DNAH11: variants seen among roughly 807,000 people sequenced by gnomAD.
DNAH11 encodes the protein axonemal beta dynein heavy chain 11.
A neutral mutation model predicts 526.0 loss-of-function variants in DNAH11; 442 were observed. That is an observed-to-expected ratio of 0.84 (90% CI 0.78 to 0.91). The LOEUF is 0.91. Among genes scored for constraint, DNAH11 ranks in the 40% least tolerant of loss-of-function variants. The pLI is 0.00. For missense variants in DNAH11, 6,989 were observed against 5,448.7 expected (o/e 1.28, Z -8.90); for synonymous variants, 2,461 against 1,935.9 (o/e 1.27, Z -7.12).
At chr7:21,694,391 TC>T (rs1783758894) in intron 35 of DNAH11, among the ~76,000 whole-genome samples, 1 of 152,114 alleles carries the variant, frequency 6.6e-6, no homozygotes, top group Non-Finnish European at 1.5e-5. Flanking sequence ...GATGTTCCCC[TC>T]CCTGCGTCCA....
At chr7:21,547,190 G>A (rs2128426193) in intron 2 of DNAH11, among the ~76,000 whole-genome samples, 1 of 152,330 alleles carries the variant, frequency 6.6e-6, no homozygotes, top group East Asian at 1.9e-4. Flanking sequence ...TATTTCTAGA[G>A]ATGCTTTAGC....
At chr7:21,786,818 T>C in intron 59 of DNAH11, 51 bp downstream of exon 59, 1 of 1,606,276 alleles carries the variant, frequency 6.2e-7, no homozygotes, top group Non-Finnish European at 8.5e-7. Flanking sequence ...CCATACTGTT[T>C]TCAGTACTGT....
intron 15 of DNAH11, 95 bp downstream of exon 15, chr7:21,600,214 C>T: frequency 9.0e-7 from 1 of 1,109,478 alleles, no homozygotes; most frequent in Non-Finnish European, 1.2e-6. Flanking sequence ...AATCCCAGAA[C>T]TTTGGGAGGC....
chr7:21,606,459 A>G lies in DNAH11; in HGVS notation c.3682A>G (p.Ile1228Val), dbSNP rs889893369. 4 of 1,606,910 alleles carry G rather than the reference A, an allele frequency of 2.5e-6. No individual in the cohort carries two copies. The African/African-American group carries it at 5.4e-5, about 22-fold the overall frequency. Reference sequence around the variant, plus strand: ...TGAAAGATGGGAAACTACCAAAAAGATCGCAGCAACTGTCAGACATGAAGT... The same window carrying G: ...TGAAAGATGGGAAACTACCAAAAAGGTCGCAGCAACTGTCAGACATGAAGT... ...LPERWETTKK[I>V]AATVRHEVSP... The change falls in exon 19 of 82, where the codon ATC becomes GTC. Residue 1228 changes from isoleucine (I) to valine (V), a missense_variant. Transcript: ENST00000409508.
chr7:21,606,637 C>CA lies in DNAH11; in HGVS notation c.3766-8dup. 4 of 817,500 alleles carry CA rather than the reference C, an allele frequency of 4.9e-6. No individual in the cohort carries two copies. Among genetic ancestry groups the CA allele is most frequent in the Non-Finnish European group, 6.8e-6 (4 of 589,096 alleles). The allele number at this position is 817,500 out of a possible 1,614,324, so 50.6% of individuals were successfully genotyped here. On this transcript the variant is annotated splice_polypyrimidine_tract_variant and intron_variant, in intron 19 of 81. Coordinates refer to ENST00000409508, the MANE Select transcript of DNAH11 (RefSeq NM_001277115.2). ...TCACTTTTTTTTTTTTTTTTTTTTGCAATGATCAGGCAAAGCAGGCAGAGT... is the reference window on the plus strand; with the variant it reads ...TCACTTTTTTTTTTTTTTTTTTTTGCAAATGATCAGGCAAAGCAGGCAGAGT...
intron 31 of DNAH11, 119 bp downstream of exon 31, chr7:21,681,796 C>A: frequency 7.8e-7 from 1 of 1,286,160 alleles, no homozygotes; most frequent in South Asian, 1.2e-5. Flanking sequence ...TTAATTAGTC[C>A]TGAAAAGTTG....
intron 75 of DNAH11, 80 bp downstream of exon 75, chr7:21,880,973 A>T (rs1783903846): frequency 1.8e-5 from 23 of 1,304,296 alleles, no homozygotes; most frequent in Non-Finnish European, 2.4e-5. Context: ...AATTGACCAT[A>T]ATTTCTCTTT....
At chr7:21,592,291 G>C (rs757569908) in intron 14 of DNAH11, among the ~76,000 whole-genome samples, 37 of 152,170 alleles carry the variant, frequency 2.4e-4, no homozygotes, top group Non-Finnish European at 1.0e-4. Context: ...AGGGTGGTTG[G>C]GCAGGCCTCT....
In DNAH11 at chr7:21,742,030, C is replaced by A. The variant is rs1350925587; in HGVS notation, c.8018C>A (p.Pro2673Gln). The change falls in exon 49 of 82, where the codon CCA becomes CAA. Residue 2673 changes from proline to glutamine, a missense_variant. Pro to Gln is a moderately conservative substitution (Grantham distance 76). Transcript: ENST00000409508. Reference sequence around the variant, plus strand: ...CATTTCCAACAGCAAGCATTTGCTCCATCAATTCTCAGGAGTGGCCCCACT... The same window carrying A: ...CATTTCCAACAGCAAGCATTTGCTCAATCAATTCTCAGGAGTGGCCCCACT... ...SFHFQQQAFA[P>Q]SILRSGPTLI... 2 of 1,613,920 alleles carry A rather than the reference C, an allele frequency of 1.2e-6. No individual in the cohort carries two copies.
chr7:21,744,081 T>TA (rs77180960), intron 49 of DNAH11, among the ~76,000 whole-genome samples: 20 of 152,048 alleles, frequency 1.3e-4, no homozygotes, highest in East Asian at 3.9e-4. Context: ...GATTTTATAG[T>TA]AAAAAAAATA....
rs1402691640 is a variant in DNAH11 at position 21,618,964 on chromosome 7, C to T, written c.4255-136C>T. On this transcript the variant is annotated intron_variant, in intron 23 of 81. Transcript: ENST00000409508. ...AAAAAGGAGTGTCTTAGATTCTCCA[C>T]GTATTTCAAGACGAGAGATGTACTC... The T allele has an allele frequency of 1.2e-5, 14 of 1,132,044 alleles. No individual in the cohort carries two copies. In the African/African-American group the frequency reaches 1.6e-4, roughly 13 times the overall value. 70.1% of individuals were successfully genotyped at this position (1,132,044 alleles called of 1,614,324 possible). A position where few individuals can be genotyped will look rare whatever the true frequency, so the allele number is the denominator to read the frequency against.
At chr7:21,762,176 A>T (rs151254990) in intron 54 of DNAH11, among the ~76,000 whole-genome samples, 1,613 of 152,278 alleles carry the variant, frequency 0.011, 18 homozygotes, top group South Asian at 0.025. Context: ...TGGGGATTTC[A>T]ACTCGAGATG....
chr7:21,733,831 C>G (rs1265771811), intron 45 of DNAH11, among the ~76,000 whole-genome samples: 1 of 152,042 alleles, frequency 6.6e-6, no homozygotes, highest in Admixed American at 6.6e-5. Flanking sequence ...GGGACTGTCG[C>G]TAGCCTTTTT....
chr7:21,608,148 A>T (rs1478186679), intron 20 of DNAH11, among the ~76,000 whole-genome samples: 1 of 151,826 alleles, frequency 6.6e-6, no homozygotes, highest in Non-Finnish European at 1.5e-5. Context: ...CTTATTCTTA[A>T]CCCTGGACAT....
chr7:21,798,181 T>G (rs1788801326), intron 61 of DNAH11, among the ~76,000 whole-genome samples: 1 of 152,162 alleles, frequency 6.6e-6, no homozygotes. Flanking sequence ...ATTACAAACT[T>G]GACTCCTAGG....
At chr7:21,630,037 A>G (rs1317799863) in intron 25 of DNAH11, among the ~76,000 whole-genome samples, 2 of 151,864 alleles carry the variant, frequency 1.3e-5, no homozygotes, top group East Asian at 3.9e-4. Context: ...TTCTCTGTTA[A>G]TATGTTTTAA....
chr7:21,696,132 A>G, intron 35 of DNAH11, among the ~76,000 whole-genome samples: 1 of 152,304 alleles, frequency 6.6e-6, no homozygotes, highest in Admixed American at 6.5e-5. Flanking sequence ...ACTATTCAGT[A>G]TGCTTTTAAA....
At chr7:21,625,404 C>G (rs936754803) in intron 25 of DNAH11, among the ~76,000 whole-genome samples, 2 of 151,986 alleles carry the variant, frequency 1.3e-5, no homozygotes, top group African/African-American at 4.8e-5. Flanking sequence ...CCCTTCTTTC[C>G]TTAGTCTGGC....
chr7:21,749,917 G>C, intron 53 of DNAH11, 116 bp downstream of exon 53: 3 of 1,492,538 alleles, frequency 2.0e-6, no homozygotes, highest in East Asian at 2.3e-5. Context: ...GCAGTCTTTG[G>C]GGAGAAACCT....
Sources: gnomAD v4.1 joint callset for allele counts (sites outside exome capture counted in the v4.1 genomes callset) on GRCh38, gnomAD v4.1.1 for gene constraint, MANE v1.5 for transcripts, NCBI Gene and HGNC (gene_info 2026-07-23, HGNC 2026-07-21) for gene names.